Variants in SNCAIP observed in about 807,000 individuals in gnomAD.
SNCAIP encodes the protein synuclein alpha interacting protein.
SNCAIP carries 43 observed loss-of-function variants against 86.7 expected under a neutral mutation model. The ratio of observed to expected loss-of-function variants is 0.50; its 90% CI spans 0.39 to 0.64. The LOEUF (loss-of-function observed/expected upper bound fraction) is 0.64, where lower values mean the gene tolerates loss of function less well. Among genes scored for constraint, SNCAIP ranks in the 30% least tolerant of loss-of-function variants. SNCAIP has a pLI of 0.00. For synonymous variants in SNCAIP, 417 were observed against 427.2 expected (o/e 0.98, Z 0.29); for missense variants, 981 against 1,103.1 (o/e 0.89, Z 1.57).
At chr5:122,444,325 C>G in intron 7 of SNCAIP, 4 of 573,472 alleles carry the variant, frequency 7.0e-6, no homozygotes, top group Non-Finnish European at 1.3e-5. Context: ...GGAGAGCACA[C>G]TATGGACAGC....
intron 1 of SNCAIP, among the ~76,000 whole-genome samples, chr5:122,342,465 A>C (rs1333710358): frequency 6.6e-6 from 1 of 152,162 alleles, no homozygotes; most frequent in Non-Finnish European, 1.5e-5. Flanking sequence ...AAACTAAAGA[A>C]AACACAGACC....
intron 3 of SNCAIP, among the ~76,000 whole-genome samples, chr5:122,405,882 G>A (rs912739344): frequency 2.8e-4 from 43 of 152,054 alleles, no homozygotes; most frequent in African/African-American, 8.7e-4. Flanking sequence ...CTTTTCTTCC[G>A]TGGTTGAGGA....
In SNCAIP at chr5:122,449,860, T is replaced by C; in HGVS notation, c.1608T>C (p.Arg536=). Residue 536 remains arginine, a synonymous_variant, in exon 9 of 11, where the codon CGT becomes CGC. Coordinates refer to ENST00000261368, the MANE Select transcript of SNCAIP (RefSeq NM_005460.4). ...TTTTCCCCAGACAAACAGTAGAACGTGTCACGCTGCAGAACCAACTCCAAC... is the reference window on the plus strand; with the variant it reads ...TTTTCCCCAGACAAACAGTAGAACGCGTCACGCTGCAGAACCAACTCCAAC... ...TKQLKEQTVE[R]VTLQNQLQQF... The C allele has an allele frequency of 6.2e-7, 1 of 1,613,874 alleles. No homozygotes were observed. Among genetic ancestry groups the C allele is most frequent in the Non-Finnish European group, 8.5e-7 (1 of 1,179,768 alleles).
At chr5:122,434,960 C>A (rs191622154) in intron 6 of SNCAIP, among the ~76,000 whole-genome samples, 3 of 152,134 alleles carry the variant, frequency 2.0e-5, no homozygotes, top group African/African-American at 7.2e-5. Context: ...TTATTTTAGC[C>A]GCTCTCTGCC....
intron 1 of SNCAIP, among the ~76,000 whole-genome samples, chr5:122,381,891 G>T (rs1766907922): frequency 6.6e-6 from 1 of 152,118 alleles, no homozygotes; most frequent in South Asian, 2.1e-4. Flanking sequence ...CTGGCTTGTA[G>T]GGTTTCTGCA....
intron 2 of SNCAIP, chr5:122,401,149 A>G: frequency 6.5e-7 from 1 of 1,546,012 alleles, no homozygotes; most frequent in Middle Eastern, 1.7e-4. Context: ...ACTGACAGTT[A>G]CTTATAAAAG....
intron 1 of SNCAIP, among the ~76,000 whole-genome samples, chr5:122,367,861 G>A (rs1763488322): frequency 6.6e-6 from 1 of 151,936 alleles, no homozygotes. Flanking sequence ...ACCTGTGTGT[G>A]CATAAATTAT....
intron 1 of SNCAIP, among the ~76,000 whole-genome samples, chr5:122,328,519 C>G (rs1189157164): frequency 6.6e-6 from 1 of 152,184 alleles, no homozygotes; most frequent in Non-Finnish European, 1.5e-5. Flanking sequence ...TCTTGGCTTA[C>G]TTATTTGTTA....
intron 1 of SNCAIP, among the ~76,000 whole-genome samples, chr5:122,322,834 ACT>A (rs1384008452): frequency 6.6e-6 from 1 of 152,242 alleles, no homozygotes; most frequent in Non-Finnish European, 1.5e-5. Context: ...AGACAAGGAC[ACT>A]TCAAAATAGA....
At chr5:122,458,064 C>T (rs909585083) in intron 10 of SNCAIP, among the ~76,000 whole-genome samples, 1 of 152,160 alleles carries the variant, frequency 6.6e-6, no homozygotes, top group Non-Finnish European at 1.5e-5. Flanking sequence ...AAGGAGAAAG[C>T]AGATTGCACC....
intron 1 of SNCAIP, among the ~76,000 whole-genome samples, chr5:122,324,854 A>G (rs1236812504): frequency 1.3e-5 from 2 of 152,236 alleles, no homozygotes; most frequent in Non-Finnish European, 2.9e-5. Context: ...AAACTGGCAC[A>G]TGGATTACAA....
intron 1 of SNCAIP, among the ~76,000 whole-genome samples, chr5:122,363,825 TA>T (rs1407741759): frequency 6.7e-6 from 1 of 150,244 alleles, no homozygotes; most frequent in Non-Finnish European, 1.5e-5. Context: ...TTTATTTATT[TA>T]TTTATTTATT....
intron 2 of SNCAIP, among the ~76,000 whole-genome samples, chr5:122,396,820 C>A (rs999123308): frequency 1.3e-5 from 2 of 152,086 alleles, no homozygotes; most frequent in Middle Eastern, 3.2e-3. Flanking sequence ...TAAAAATAGA[C>A]TATCATTGAA....
intron 1 of SNCAIP, among the ~76,000 whole-genome samples, chr5:122,382,575 G>C (rs867811828): frequency 7.9e-5 from 12 of 152,132 alleles, no homozygotes; most frequent in African/African-American, 2.2e-4. Flanking sequence ...GCTTTGTTCC[G>C]TTGCTGGTGA....
intron 7 of SNCAIP, among the ~76,000 whole-genome samples, chr5:122,443,147 T>C (rs980988776): frequency 2.6e-5 from 4 of 152,148 alleles, no homozygotes; most frequent in Non-Finnish European, 5.9e-5. Flanking sequence ...CCTTTCATGG[T>C]GAGTGATCAT....
chr5:122,354,074 G>T (rs953807297), intron 1 of SNCAIP, among the ~76,000 whole-genome samples: 1 of 152,136 alleles, frequency 6.6e-6, no homozygotes, highest in African/African-American at 2.4e-5. Context: ...CCAGAATATA[G>T]TTGGAAACCA....
intron 1 of SNCAIP, among the ~76,000 whole-genome samples, chr5:122,367,879 T>C (rs915478862): frequency 6.6e-6 from 1 of 152,102 alleles, no homozygotes; most frequent in African/African-American, 2.4e-5. Flanking sequence ...TATATATATA[T>C]ATACATACAA....
chr5:122,356,200 C>T (rs1397856753), intron 1 of SNCAIP, among the ~76,000 whole-genome samples: 1 of 148,452 alleles, frequency 6.7e-6, no homozygotes, highest in East Asian at 2.0e-4. Context: ...GATCACAGCT[C>T]ATTGCAGCCT....
At chr5:122,347,461 A>G (rs527837999) in intron 1 of SNCAIP, among the ~76,000 whole-genome samples, 1 of 151,392 alleles carries the variant, frequency 6.6e-6, no homozygotes, top group East Asian at 1.9e-4. Context: ...AAAGATAACA[A>G]TAGTGTGTGA....
Sources: gnomAD v4.1 joint callset for allele counts (sites outside exome capture counted in the v4.1 genomes callset) on GRCh38, gnomAD v4.1.1 for gene constraint, MANE v1.5 for transcripts, NCBI Gene and HGNC (gene_info 2026-07-23, HGNC 2026-07-21) for gene names.